ARHGAP42: variants seen among roughly 807,000 people sequenced by gnomAD.
The protein encoded by ARHGAP42 is Rho GTPase activating protein 42.
ARHGAP42 carries 63 observed loss-of-function variants against 125.0 expected under a neutral mutation model. That is an observed-to-expected ratio of 0.50 (90% CI 0.41 to 0.62). The LOEUF (loss-of-function observed/expected upper bound fraction) is 0.62. Among genes scored for constraint, ARHGAP42 ranks in the 20% least tolerant of loss-of-function variants. The probability of loss-of-function intolerance (pLI) is 0.00; values close to 1 mark genes in which losing one functional copy is unlikely to be tolerated. For synonymous variants in ARHGAP42, 339 were observed against 351.0 expected, an observed-to-expected ratio of 0.97 and a Z score of 0.38; for missense variants, 766 against 1,024.2, an observed-to-expected ratio of 0.75 and a Z score of 3.44.
chr11:100,873,361 G>C (rs1865739418), intron 4 of ARHGAP42, among the ~76,000 whole-genome samples: 1 of 152,116 alleles, frequency 6.6e-6, no homozygotes. Context: ...GGGATGTATT[G>C]TGGTATTTTC....
At chr11:100,919,576 A>T (rs536257774) in intron 5 of ARHGAP42, among the ~76,000 whole-genome samples, 77 of 151,652 alleles carry the variant, frequency 5.1e-4, no homozygotes, top group Non-Finnish European at 7.7e-4. Context: ...TTTCTTTTTT[A>T]AAAAAAATGG....
At chr11:100,733,132 A>T (rs980866289) in intron 1 of ARHGAP42, among the ~76,000 whole-genome samples, 2 of 152,254 alleles carry the variant, frequency 1.3e-5, no homozygotes, top group Non-Finnish European at 2.9e-5. Context: ...TTGATTCTGT[A>T]GTTCAGCTGC....
At chr11:100,926,948 G>C (rs984593252) in intron 6 of ARHGAP42, among the ~76,000 whole-genome samples, 1 of 152,076 alleles carries the variant, frequency 6.6e-6, no homozygotes, top group Non-Finnish European at 1.5e-5. Flanking sequence ...ATTCCTTTTA[G>C]AGTCCATTAT....
At chr11:100,698,324 A>G (rs1861323508) in intron 1 of ARHGAP42, among the ~76,000 whole-genome samples, 1 of 152,172 alleles carries the variant, frequency 6.6e-6, no homozygotes, top group South Asian at 2.1e-4. Flanking sequence ...AAAGAAAATT[A>G]GCTGGGTGTG....
At chr11:100,986,060 A>C (rs1379961864) in intron 22 of ARHGAP42, 3 of 456,620 alleles carry the variant, frequency 6.6e-6, no homozygotes, top group South Asian at 4.6e-5. Context: ...CCTTTTTCTC[A>C]CTCATTCATT....
At chr11:100,916,335 TGTCAAACCA>T (rs1474154722) in intron 5 of ARHGAP42, among the ~76,000 whole-genome samples, 2 of 152,212 alleles carry the variant, frequency 1.3e-5, no homozygotes, top group African/African-American at 4.8e-5. Flanking sequence ...CCAAATTAAA[TGTCAAACCA>T]TTAGGGAATT....
At chr11:100,805,410 T>G (rs1863965150) in intron 3 of ARHGAP42, among the ~76,000 whole-genome samples, 1 of 152,212 alleles carries the variant, frequency 6.6e-6, no homozygotes, top group South Asian at 2.1e-4. Flanking sequence ...GGGAAGAAGA[T>G]AGTCATAAGT....
chr11:100,837,685 T>TTTTTTAGTAAATA (rs1864837058), intron 3 of ARHGAP42, among the ~76,000 whole-genome samples: 1 of 131,424 alleles, frequency 7.6e-6, no homozygotes, highest in African/African-American at 2.8e-5. Flanking sequence ...TTTTTTTTTT[T>TTTTTTAGTAAATA]TTTTTTTTTT....
chr11:100,897,383 A>T (rs1445255841), intron 4 of ARHGAP42, among the ~76,000 whole-genome samples: 2 of 152,166 alleles, frequency 1.3e-5, no homozygotes, highest in Non-Finnish European at 2.9e-5. Flanking sequence ...GAAGGAAGTC[A>T]TTGGTAGCTT....
At chr11:100,723,988 G>GT (rs1417947454) in intron 1 of ARHGAP42, among the ~76,000 whole-genome samples, 1 of 152,022 alleles carries the variant, frequency 6.6e-6, no homozygotes, top group East Asian at 1.9e-4. Flanking sequence ...TTTGTTAAAT[G>GT]TTTTTCAAAC....
chr11:100,987,119 G>A (rs1858698504), intron 22 of ARHGAP42, among the ~76,000 whole-genome samples: 1 of 152,066 alleles, frequency 6.6e-6, no homozygotes, highest in Admixed American at 6.6e-5. Flanking sequence ...CAGATAGTCT[G>A]AACATGAAAG....
chr11:100,789,293 A>G (rs1300115886), intron 2 of ARHGAP42, among the ~76,000 whole-genome samples: 1 of 152,236 alleles, frequency 6.6e-6, no homozygotes, highest in Non-Finnish European at 1.5e-5. Context: ...TTTCCTAGAG[A>G]TATAACAACA....
chr11:100,920,485 C>CT (rs1867207409), intron 5 of ARHGAP42, among the ~76,000 whole-genome samples: 1 of 151,858 alleles, frequency 6.6e-6, no homozygotes, highest in Non-Finnish European at 1.5e-5. Flanking sequence ...GTTTTCTATC[C>CT]CCAAATTGGT....
intron 1 of ARHGAP42, among the ~76,000 whole-genome samples, chr11:100,705,136 A>G (rs1345995155): frequency 2.6e-5 from 4 of 152,140 alleles, no homozygotes; most frequent in African/African-American, 4.8e-5. Flanking sequence ...CTGTCAGGAT[A>G]TATATTGGCA....
At chr11:100,689,422 A>G (rs934721890) in intron 1 of ARHGAP42, among the ~76,000 whole-genome samples, 1 of 152,122 alleles carries the variant, frequency 6.6e-6, no homozygotes, top group Non-Finnish European at 1.5e-5. Context: ...GATATTCTAC[A>G]TTTTTCTCCC....
At position 100,871,436 on chromosome 11, in the gene ARHGAP42, C is replaced by A. The variant is rs962434180; in HGVS notation, c.384+11811C>A. On this transcript the variant is annotated intron_variant, in intron 4 of 23. Transcript: ENST00000298815. ...TGGGGCATGCCTATAATCCCAGCTA[C>A]TCAGGAGACTGAGGTAGGAGAATCT... Among the ~76,000 whole-genome samples the A allele has an allele frequency of 3.3e-5, 5 of 151,250 alleles. No homozygotes were observed. In the East Asian group the frequency reaches 7.8e-4, roughly 24 times the overall value.
intron 3 of ARHGAP42, among the ~76,000 whole-genome samples, chr11:100,803,569 G>A (rs906834766): frequency 2.6e-5 from 4 of 152,178 alleles, no homozygotes; most frequent in Non-Finnish European, 4.4e-5. Context: ...TCAAAGCCCC[G>A]TTTCTTCACT....
At chr11:100,813,934 C>G (rs986863201) in intron 3 of ARHGAP42, among the ~76,000 whole-genome samples, 4 of 152,100 alleles carry the variant, frequency 2.6e-5, no homozygotes, top group Non-Finnish European at 5.9e-5. Flanking sequence ...GTGGCTAACA[C>G]CTGTAATCCC....
chr11:100,898,688 T>A (rs1313240014), intron 4 of ARHGAP42, among the ~76,000 whole-genome samples: 2 of 152,146 alleles, frequency 1.3e-5, no homozygotes, highest in African/African-American at 4.8e-5. Context: ...GGTGGTGATA[T>A]CCTCTTTATC....
Sources: gnomAD v4.1 joint callset for allele counts (sites outside exome capture counted in the v4.1 genomes callset) on GRCh38, gnomAD v4.1.1 for gene constraint, MANE v1.5 for transcripts, NCBI Gene and HGNC (gene_info 2026-07-23, HGNC 2026-07-21) for gene names.